The following ABI3BP variants were observed in gnomAD, a reference collection of about 807,000 sequenced individuals.
The protein encoded by ABI3BP is ABI family member 3 binding protein.
In ABI3BP, 216 loss-of-function variants were observed where a neutral mutation model predicts 268.6. That is an observed-to-expected ratio of 0.80 (90% CI 0.72 to 0.90). The LOEUF is 0.90. ABI3BP is among the 40% of genes least tolerant of loss of function. The pLI is 0.00. For missense variants in ABI3BP, 2,090 were observed against 2,182.4 expected, an observed-to-expected ratio of 0.96 and a Z score of 0.84; for synonymous variants, 730 against 730.0, an observed-to-expected ratio of 1.00 and a Z score of 0.00.
At position 100,875,570 on chromosome 3, in the gene ABI3BP, T is replaced by C; in HGVS notation, c.755A>G (p.Asn252Ser). ...PITIIKQVIQ[N>S]VTHKDSAKSP... ...TTTAGCTGAATCCTTGTGAGTAACA[T>C]TCTGAATCACTGTTGAAATACAAAA... Residue 252 changes from asparagine (N) to serine (S), a missense_variant, in exon 8 of 68, where the codon AAT becomes AGT. Asn to Ser is a conservative substitution (Grantham distance 46). Transcript: ENST00000471714. 1.2e-6 allele frequency: 2 copies of C among 1,612,576 alleles called. No individual in the cohort carries two copies. Among genetic ancestry groups the C allele is most frequent in the South Asian group, 2.2e-5 (2 of 91,054 alleles).
At chr3:100,836,610 C>T (rs1385571666) in intron 27 of ABI3BP, among the ~76,000 whole-genome samples, 2 of 152,088 alleles carry the variant, frequency 1.3e-5, no homozygotes, top group African/African-American at 2.4e-5. Context: ...ACAGAGAATC[C>T]TTATTTTGTT....
chr3:100,928,183 C>T (rs962365885), intron 1 of ABI3BP, among the ~76,000 whole-genome samples: 7 of 152,042 alleles, frequency 4.6e-5, no homozygotes, highest in South Asian at 2.1e-4. Flanking sequence ...TTCTGAATTC[C>T]AAAACATGTC....
At chr3:100,898,477 C>T (rs965590010) in intron 4 of ABI3BP, among the ~76,000 whole-genome samples, 5 of 152,206 alleles carry the variant, frequency 3.3e-5, no homozygotes, top group African/African-American at 4.8e-5. Flanking sequence ...CTGCCTTTGG[C>T]CCCGCCTTCT....
intron 44 of ABI3BP, 92 bp downstream of exon 44, chr3:100,815,820 A>AG (rs2098021292): frequency 2.5e-6 from 2 of 815,520 alleles, no homozygotes; most frequent in African/African-American, 3.5e-5. Flanking sequence ...ACAGCGTCTT[A>AG]GGAAGCAGAA....
chr3:100,970,894 G>C (rs1416038227), intron 1 of ABI3BP, among the ~76,000 whole-genome samples: 1 of 152,148 alleles, frequency 6.6e-6, no homozygotes, highest in Non-Finnish European at 1.5e-5. Context: ...AAATGATTGG[G>C]CAGTGGTCTT....
chr3:100,919,437 T>A (rs1297836242), intron 2 of ABI3BP, among the ~76,000 whole-genome samples: 1 of 152,202 alleles, frequency 6.6e-6, no homozygotes, highest in Non-Finnish European at 1.5e-5. Context: ...GTGCATTTCC[T>A]CTTGCCGTCT....
chr3:100,811,577 G>A, intron 47 of ABI3BP, 151 bp downstream of exon 47: 1 of 794,716 alleles, frequency 1.3e-6, no homozygotes, highest in Admixed American at 2.9e-5. Flanking sequence ...ATCACTTTAA[G>A]AATTCAAGAA....
chr3:100,766,572 A>G (rs2096279054), intron 62 of ABI3BP, among the ~76,000 whole-genome samples: 1 of 152,178 alleles, frequency 6.6e-6, no homozygotes, highest in South Asian at 2.1e-4. Flanking sequence ...CCTTGTATTG[A>G]AAAACAAATT....
chr3:100,918,770 T>C (rs1395329238), intron 2 of ABI3BP, among the ~76,000 whole-genome samples: 2 of 152,150 alleles, frequency 1.3e-5, no homozygotes, highest in African/African-American at 4.8e-5. Flanking sequence ...TAACCATTTT[T>C]TACAGGACAT....
chr3:100,868,717 T>C (rs930479610), intron 9 of ABI3BP, among the ~76,000 whole-genome samples: 4 of 152,254 alleles, frequency 2.6e-5, no homozygotes, highest in Non-Finnish European at 5.9e-5. Flanking sequence ...ATTGTGTGTT[T>C]CTGAAGTTGC....
At chr3:100,790,420 A>T (rs1194541384) in intron 55 of ABI3BP, among the ~76,000 whole-genome samples, 1 of 152,022 alleles carries the variant, frequency 6.6e-6, no homozygotes, top group Non-Finnish European at 1.5e-5. Flanking sequence ...TAAGTAGATT[A>T]CATCATTTTA....
intron 61 of ABI3BP, among the ~76,000 whole-genome samples, chr3:100,774,379 A>G (rs1227609072): frequency 6.6e-6 from 1 of 152,156 alleles, no homozygotes; most frequent in Admixed American, 6.5e-5. Context: ...CCTGAGTCCA[A>G]CCCACAAGAG....
In ABI3BP at chr3:100,869,330, G is replaced by GTTTTTTTTTTT. The variant is rs144604645; in HGVS notation, c.911-2385_911-2375dup. ...ATATTGTTTTTTCTTCTTCTTTTTG[G>GTTTTTTTTTTT]TTTTTTTTTTTTTTTTTTTTTTTTT... On this transcript the variant is annotated intron_variant, in intron 9 of 67. Transcript: ENST00000471714. 1.0e-3 allele frequency among the ~76,000 whole-genome samples: 51 copies of GTTTTTTTTTTT among 49,754 alleles called. 10 individuals are homozygous for GTTTTTTTTTTT. Among genetic ancestry groups the GTTTTTTTTTTT allele is most frequent in the African/African-American group, 3.2e-3 (39 of 12,208 alleles). The allele number at this position is 49,754 out of a possible 152,430, so 32.6% of individuals were successfully genotyped here. A position where few individuals can be genotyped will look rare whatever the true frequency, so the allele number is the denominator to read the frequency against.
At chr3:100,753,796 G>T in intron 65 of ABI3BP, 23 bp downstream of exon 65, 5 of 1,609,484 alleles carry the variant, frequency 3.1e-6, no homozygotes, top group Non-Finnish European at 4.2e-6. Flanking sequence ...ATGTAGTTGT[G>T]CCTCATTGAG....
chr3:100,771,819 C>A (rs148355741), intron 61 of ABI3BP, among the ~76,000 whole-genome samples: 2 of 151,852 alleles, frequency 1.3e-5, no homozygotes, highest in African/African-American at 2.4e-5. Flanking sequence ...GGTAAAGAAG[C>A]GGGTGAGCAG....
At chr3:100,787,854 C>T in intron 56 of ABI3BP, 52 bp from the exon 57 acceptor site, 1 of 1,314,430 alleles carries the variant, frequency 7.6e-7, no homozygotes, top group Non-Finnish European at 1.0e-6. Context: ...AAGTTTGCAG[C>T]CGAGAAAAAC....
At chr3:100,862,947 T>C in intron 12 of ABI3BP, 38 bp from the exon 13 acceptor site, 2 of 1,419,524 alleles carry the variant, frequency 1.4e-6, no homozygotes, top group Non-Finnish European at 1.9e-6. Flanking sequence ...CGACCTGAGG[T>C]GAAAGTAACA....
At position 100,749,315 on chromosome 3, in the gene ABI3BP, T is replaced by TAAATAACA. The variant is rs1553708469; in HGVS notation, c.*1179_*1180insTGTTATTT. ...AACATACTGATGAACCATTCAGAAA[T>TAAATAACA]AACAAACAAAAACTCAATCTTAAAA... On this transcript the variant is annotated 3_prime_UTR_variant, in exon 68 of 68. Transcript: ENST00000471714. The TAAATAACA allele has an allele frequency of 4.3e-5, 3 of 69,804 alleles. No individual in the cohort carries two copies. Among genetic ancestry groups the TAAATAACA allele is most frequent in the Non-Finnish European group, 8.0e-5 (3 of 37,446 alleles). The allele number at this position is 69,804 out of a possible 1,614,324, so 4.3% of individuals were successfully genotyped here.
At chr3:100,925,386 C>A (rs1209507836) in intron 2 of ABI3BP, among the ~76,000 whole-genome samples, 2 of 151,600 alleles carry the variant, frequency 1.3e-5, no homozygotes, top group Non-Finnish European at 2.9e-5. Flanking sequence ...AAAGTATTCA[C>A]AACAATAGAG....
Sources: allele counts gnomAD v4.1 joint callset (sites outside exome capture counted in the v4.1 genomes callset), GRCh38; gene constraint gnomAD v4.1.1; transcripts MANE v1.5; gene names NCBI Gene and HGNC (gene_info 2026-07-23, HGNC 2026-07-21).